The following ADAMTS12 variants were observed in gnomAD, a reference collection of about 807,000 sequenced individuals.
The protein encoded by ADAMTS12 is A disintegrin and metalloproteinase with thrombospondin motifs 12.
ADAMTS12 carries 118 observed loss-of-function variants against 167.8 expected under a neutral mutation model. That is an observed-to-expected ratio of 0.70 (90% CI 0.61 to 0.82). The LOEUF (loss-of-function observed/expected upper bound fraction) is 0.82. Among genes scored for constraint, ADAMTS12 ranks in the 40% least tolerant of loss-of-function variants. The pLI is 0.00. For synonymous variants in ADAMTS12, 704 were observed against 716.9 expected, an observed-to-expected ratio of 0.98 and a Z score of 0.29; for missense variants, 1,916 against 1,998.8, an observed-to-expected ratio of 0.96 and a Z score of 0.79.
rs758925255 is a variant in ADAMTS12 at position 33,649,005 on chromosome 5, G to T, written c.1335-39C>A. 8 of 1,607,502 alleles carry T rather than the reference G, an allele frequency of 5.0e-6. No homozygotes were observed. The South Asian group carries it at 8.8e-5, about 18-fold the overall frequency. ...AACAGAAATGAGAGGAGTTGTTTAG[G>T]ATTCCCTTTACCTTCAGCCTTTCAT... is the stretch of plus-strand genomic sequence containing the variant. On this transcript the variant is annotated intron_variant, in intron 8 of 23. Coordinates refer to ENST00000504830, the MANE Select transcript of ADAMTS12 (RefSeq NM_030955.4).
At chr5:33,571,892 A>G (rs1746371026) in intron 19 of ADAMTS12, among the ~76,000 whole-genome samples, 1 of 152,126 alleles carries the variant, frequency 6.6e-6, no homozygotes, top group Admixed American at 6.6e-5. Context: ...TCAAATAGAC[A>G]CAATAAAAAA....
At chr5:33,618,102 A>T (rs1356755978) in intron 14 of ADAMTS12, among the ~76,000 whole-genome samples, 1 of 152,206 alleles carries the variant, frequency 6.6e-6, no homozygotes, top group African/African-American at 2.4e-5. Flanking sequence ...CCACTAATAC[A>T]TATTTTTTGT....
At chr5:33,717,221 T>C (rs993046340) in intron 3 of ADAMTS12, among the ~76,000 whole-genome samples, 1 of 152,062 alleles carries the variant, frequency 6.6e-6, no homozygotes, top group African/African-American at 2.4e-5. Flanking sequence ...CGGATTTGCA[T>C]GACTTATCTT....
intron 3 of ADAMTS12, among the ~76,000 whole-genome samples, chr5:33,743,993 G>GTAAAATAGAAGTATTTTACCTATATAC (rs1744695685): frequency 6.6e-6 from 1 of 152,124 alleles, no homozygotes; most frequent in African/African-American, 2.4e-5. Context: ...GGTTAAACTG[G>GTAAAATAGAAGTATTTTACCTATATAC]CTCCATATAG....
chr5:33,624,177 T>C (rs1739467059), intron 14 of ADAMTS12, 54 bp downstream of exon 14: 1 of 1,608,992 alleles, frequency 6.2e-7, no homozygotes, highest in Non-Finnish European at 8.5e-7. Context: ...CAACCATTTA[T>C]CTTGCCCCCC....
intron 2 of ADAMTS12, among the ~76,000 whole-genome samples, chr5:33,823,608 T>C (rs1299374644): frequency 6.6e-6 from 1 of 150,606 alleles, no homozygotes; most frequent in Non-Finnish European, 1.5e-5. Context: ...CCCCAGTGAC[T>C]CTGGCCCAGC....
rs375840832 is a variant in ADAMTS12, at chr5:33,527,321, G to A, written c.4652C>T (p.Thr1551Ile). Residue 1551 changes from threonine to isoleucine, a missense_variant, in exon 24 of 24, where the codon ACA becomes ATA. Physicochemically the swap from Thr to Ile is moderately conservative, Grantham distance 89 (BLOSUM62 -1). Coordinates refer to ENST00000504830, the MANE Select transcript of ADAMTS12 (RefSeq NM_030955.4). ...KDKLSASFCQ[T>I]LKAMKKCSVP... ...AGAACATTTCTTCATGGCTTTCAGT[G>A]TCTGGCAGAAACTGGCTGACAGTTT... 36 of 1,614,066 alleles carry A rather than the reference G, an allele frequency of 2.2e-5. No homozygotes were observed. Among genetic ancestry groups the A allele is most frequent in the Non-Finnish European group, 2.9e-5 (34 of 1,180,040 alleles).
rs1742253884 is a variant in ADAMTS12, at chr5:33,684,584, T to C, written c.635-529A>G. 1.3e-5 allele frequency among the ~76,000 whole-genome samples: 2 copies of C among 152,192 alleles called. 1 individual carries two copies. Among genetic ancestry groups the C allele is most frequent in the South Asian group, 4.1e-4 (2 of 4,832 alleles). ...CCAAAATCATGCATTTTTAAAAATA[T>C]ACATCACACCGTTTCCAACAGAGTA... On this transcript the variant is annotated intron_variant, in intron 3 of 23. Transcript: ENST00000504830.
intron 2 of ADAMTS12, among the ~76,000 whole-genome samples, chr5:33,779,754 T>G (rs1352104100): frequency 3.3e-5 from 5 of 152,108 alleles, no homozygotes; most frequent in Non-Finnish European, 7.3e-5. Context: ...CACTTATATG[T>G]GGAATCTAAA....
rs368508051 is a variant in ADAMTS12, at chr5:33,780,654, C to G, written c.490-29106G>C. On this transcript the variant is annotated intron_variant, in intron 2 of 23. Transcript: ENST00000504830. ...GAGTCTAAACTTTTGTTTATGCCAC[C>G]AAGTACTGATTCTTGTCCCTTATCA... 2.0e-5 allele frequency among the ~76,000 whole-genome samples: 3 copies of G among 152,252 alleles called. No homozygotes were observed. In the East Asian group the frequency reaches 5.8e-4, roughly 29 times the overall value.
chr5:33,872,546 G>GAAAAAAAA (rs61345844), intron 2 of ADAMTS12, among the ~76,000 whole-genome samples: 24 of 141,964 alleles, frequency 1.7e-4, no homozygotes, highest in African/African-American at 5.9e-4. Flanking sequence ...GACTTCATCT[G>GAAAAAAAA]AAAAAAAAAA....
intron 2 of ADAMTS12, among the ~76,000 whole-genome samples, chr5:33,762,555 A>G (rs1396421419): frequency 6.6e-6 from 1 of 152,030 alleles, no homozygotes; most frequent in African/African-American, 2.4e-5. Context: ...AGAAGAAAAA[A>G]GTTAGGAGGC....
chr5:33,717,018 T>C (rs1254473132), intron 3 of ADAMTS12, among the ~76,000 whole-genome samples: 1 of 152,136 alleles, frequency 6.6e-6, no homozygotes, highest in African/African-American at 2.4e-5. Flanking sequence ...ACTGGGAACA[T>C]GCATACAGTA....
intron 3 of ADAMTS12, among the ~76,000 whole-genome samples, chr5:33,746,481 G>C (rs1399900381): frequency 6.6e-6 from 1 of 152,178 alleles, no homozygotes; most frequent in Non-Finnish European, 1.5e-5. Context: ...TCTTAAATAA[G>C]AAGTTTACTT....
rs143314233 is a variant in ADAMTS12 at position 33,576,623 on chromosome 5, G to C, written c.3403C>G (p.Pro1135Ala). ...SGSGLSSSRN[P>A]ITWPVTPFYN... ...AATGGAGTCACAGGCCAAGTGATAG[G>C]GTTGCGGGAAGATGACAAGCCAGAA... The change falls in exon 19 of 24, where the codon CCT (proline) becomes GCT (alanine). Residue 1135 changes from proline (P) to alanine (A), a missense_variant. Physicochemically the swap from Pro to Ala is conservative, Grantham distance 27. Transcript: ENST00000504830. 1.7e-5 allele frequency: 28 copies of C among 1,614,198 alleles called. No homozygotes were observed. The highest frequency in any genetic ancestry group is 1.6e-4 in the Middle Eastern group (1 of 6,062).
At chr5:33,682,938 T>C in intron 5 of ADAMTS12, 80 bp downstream of exon 5, 1 of 1,150,728 alleles carries the variant, frequency 8.7e-7, no homozygotes, top group Non-Finnish European at 1.3e-6. Context: ...CTCTTTCTTG[T>C]CTACCAAGAA....
At chr5:33,606,601 T>C (rs1738450177) in intron 16 of ADAMTS12, among the ~76,000 whole-genome samples, 1 of 152,136 alleles carries the variant, frequency 6.6e-6, no homozygotes, top group Non-Finnish European at 1.5e-5. Context: ...GACAGAAGAA[T>C]GAAGAAAAAT....
intron 3 of ADAMTS12, among the ~76,000 whole-genome samples, chr5:33,698,413 T>A (rs1742862957): frequency 6.6e-6 from 1 of 152,106 alleles, no homozygotes; most frequent in Non-Finnish European, 1.5e-5. Context: ...AGTAACTCAC[T>A]CATCATGGTT....
intron 2 of ADAMTS12, among the ~76,000 whole-genome samples, chr5:33,879,262 A>G (rs1462349531): frequency 6.6e-6 from 1 of 152,002 alleles, no homozygotes; most frequent in East Asian, 1.9e-4. Context: ...AGTGCAGCCC[A>G]TGGGTTTGTC....
Sources: gnomAD v4.1 joint callset for allele counts (sites outside exome capture counted in the v4.1 genomes callset) on GRCh38, gnomAD v4.1.1 for gene constraint, MANE v1.5 for transcripts, NCBI Gene and HGNC (gene_info 2026-07-23, HGNC 2026-07-21) for gene names.